The following NME9 variants were observed in gnomAD, a reference collection of about 807,000 sequenced individuals.
NME9 encodes thioredoxin domain-containing protein 6.
NME9 carries 48 observed loss-of-function variants against 44.4 expected under a neutral mutation model. The ratio of observed to expected loss-of-function variants is 1.08; its 90% CI spans 0.86 to 1.37. NME9 has a LOEUF of 1.37. Ranked by LOEUF, NME9 falls within the 40% of genes most tolerant of loss-of-function variation. The pLI, the probability that NME9 is intolerant of heterozygous loss-of-function variation, is 0.00. For synonymous variants in NME9, 139 were observed against 147.1 expected (o/e 0.94, Z 0.40); for missense variants, 325 against 405.2 (o/e 0.80, Z 1.70).
chr3:138,294,532 T>G (rs1366177552), intron 8 of NME9, among the ~76,000 whole-genome samples: 2 of 152,230 alleles, frequency 1.3e-5, no homozygotes, highest in African/African-American at 4.8e-5. Flanking sequence ...TTTAGAGTCT[T>G]ATATAATTGC....
intron 8 of NME9, among the ~76,000 whole-genome samples, chr3:138,266,963 G>A (rs547336800): frequency 1.3e-5 from 2 of 152,254 alleles, no homozygotes; most frequent in African/African-American, 4.8e-5. Context: ...CAGATTTGAG[G>A]GCGTTAGTCC....
At chr3:138,262,318 G>T (rs1352851373) in exon 9 of NME9, 1 of 535,942 alleles carries the variant, frequency 1.9e-6, no homozygotes, top group African/African-American at 1.9e-5. Context: ...GGTCTAGGGC[G>T]AGGAGTAGAT....
intron 1 of NME9, among the ~76,000 whole-genome samples, chr3:138,326,861 G>A (rs1199857369): frequency 6.6e-6 from 1 of 151,086 alleles, no homozygotes; most frequent in Non-Finnish European, 1.5e-5. Flanking sequence ...TCCTTTTTTG[G>A]CCGAACGTGG....
At position 138,318,232 on chromosome 3, in the gene NME9, A is replaced by G. The variant is rs1471543728; in HGVS notation, c.196-13T>C. The G allele has an allele frequency of 1.3e-6, 2 of 1,596,038 alleles. No homozygotes were observed. Among genetic ancestry groups the G allele is most frequent in the Admixed American group, 1.7e-5 (1 of 59,992 alleles). On this transcript the variant is annotated splice_polypyrimidine_tract_variant and intron_variant, in intron 3 of 10. Coordinates refer to ENST00000333911, the MANE Select transcript of NME9 (RefSeq NM_001349018.2). ...GATCTGCCTCTGCCTAAAGAAAGCCACTATCAGCAGGTACCCTGGATGCAG... is the reference window on the plus strand; with the variant it reads ...GATCTGCCTCTGCCTAAAGAAAGCCGCTATCAGCAGGTACCCTGGATGCAG...
chr3:138,311,144 A>T (rs1395539573), intron 6 of NME9, among the ~76,000 whole-genome samples: 1 of 152,190 alleles, frequency 6.6e-6, no homozygotes, highest in Non-Finnish European at 1.5e-5. Context: ...AAAACCTAAA[A>T]GAAATAGATA....
intron 7 of NME9, 43 bp from the exon 8 acceptor site, chr3:138,306,139 C>G (rs780356523): frequency 2.2e-6 from 3 of 1,354,410 alleles, no homozygotes; most frequent in Non-Finnish European, 3.2e-6. Flanking sequence ...AAATCAAGCC[C>G]AAATTCACAT....
intron 6 of NME9, among the ~76,000 whole-genome samples, chr3:138,311,402 G>A (rs2052694329): frequency 6.6e-6 from 1 of 152,162 alleles, no homozygotes; most frequent in Admixed American, 6.5e-5. Context: ...TGTGAGGCCA[G>A]AATTGCCCTG....
intron 8 of NME9, chr3:138,264,288 C>G (rs1468265355): frequency 8.8e-7 from 1 of 1,136,364 alleles, no homozygotes; most frequent in Admixed American, 1.8e-5. Flanking sequence ...ACACTACTCC[C>G]TGGTCTAGGA....
At chr3:138,323,102 C>G (rs933833150) in intron 2 of NME9, among the ~76,000 whole-genome samples, 1 of 152,192 alleles carries the variant, frequency 6.6e-6, no homozygotes, top group African/African-American at 2.4e-5. Flanking sequence ...CCAGGCAAGT[C>G]TACTACAGAT....
At chr3:138,316,728 C>T (rs2053111920) in intron 4 of NME9, among the ~76,000 whole-genome samples, 1 of 152,136 alleles carries the variant, frequency 6.6e-6, no homozygotes, top group African/African-American at 2.4e-5. Context: ...GATTCTCCTG[C>T]CTCAGCCTCC....
At position 138,329,623 on chromosome 3, in the gene NME9, G is replaced by C. The variant is rs2054001670; in HGVS notation, c.-288C>G. ...CCCCTCCCCACCCCGGAGCCGGCCAGGGGGCGCGCGCAGAGGCCGGAGTCA... is the reference window on the plus strand; with the variant it reads ...CCCCTCCCCACCCCGGAGCCGGCCACGGGGCGCGCGCAGAGGCCGGAGTCA... On this transcript the variant is annotated 5_prime_UTR_variant, in exon 1 of 11. Coordinates refer to ENST00000333911, the MANE Select transcript of NME9 (RefSeq NM_001349018.2). The C allele has an allele frequency of 1.5e-6, 2 of 1,292,036 alleles. No individual in the cohort carries two copies. The highest frequency in any genetic ancestry group is 4.0e-5 in the Admixed American group (1 of 25,094). 80.0% of individuals were successfully genotyped at this position (1,292,036 alleles called of 1,614,324 possible).
intron 8 of NME9, among the ~76,000 whole-genome samples, chr3:138,270,927 C>G (rs568142565): frequency 6.6e-6 from 1 of 152,204 alleles, no homozygotes; most frequent in East Asian, 1.9e-4. Context: ...AGACACTAAG[C>G]TGGGCGTTTT....
intron 8 of NME9, among the ~76,000 whole-genome samples, chr3:138,288,517 A>G (rs896678847): frequency 2.0e-4 from 31 of 151,408 alleles, no homozygotes; most frequent in African/African-American, 7.5e-4. Flanking sequence ...CAAGGCTTGT[A>G]CTCCTCAATT....
chr3:138,293,378 A>G (rs936784529), intron 8 of NME9, among the ~76,000 whole-genome samples: 1 of 152,148 alleles, frequency 6.6e-6, no homozygotes, highest in Non-Finnish European at 1.5e-5. Flanking sequence ...CGTCTCTACT[A>G]AACTCCAAAA....
chr3:138,315,850 G>C (rs567195893), intron 4 of NME9, among the ~76,000 whole-genome samples: 1 of 151,954 alleles, frequency 6.6e-6, no homozygotes, highest in African/African-American at 2.4e-5. Flanking sequence ...TTGTTTGTTC[G>C]AGACGGAGTC....
intron 8 of NME9, among the ~76,000 whole-genome samples, chr3:138,292,295 T>C (rs1577065970): frequency 6.6e-6 from 1 of 152,112 alleles, no homozygotes; most frequent in South Asian, 2.1e-4. Flanking sequence ...CCACCTCGGC[T>C]TCCCAAAGTG....
Position 138,326,757 on chromosome 3 carries a change from A to G in NME9, c.34-1827T>C, listed in dbSNP as rs142069881. ...GCCTACTATTGTTCTTAATACAGGTATGCTAAGGTCTGTGTCCCTCTAAAA... is the reference window on the plus strand; with the variant it reads ...GCCTACTATTGTTCTTAATACAGGTGTGCTAAGGTCTGTGTCCCTCTAAAA... On this transcript the variant is annotated intron_variant, in intron 1 of 10. Coordinates refer to ENST00000333911, the MANE Select transcript of NME9 (RefSeq NM_001349018.2). Among the ~76,000 whole-genome samples, 10 of 152,128 alleles carry G rather than the reference A, an allele frequency of 6.6e-5. No homozygotes were observed. The East Asian group carries it at 1.4e-3, about 21-fold the overall frequency.
chr3:138,266,217 C>T (rs1252929814), intron 8 of NME9, among the ~76,000 whole-genome samples: 1 of 152,182 alleles, frequency 6.6e-6, no homozygotes, highest in East Asian at 1.9e-4. Flanking sequence ...ACTCCTCATT[C>T]TCTGAGATCC....
rs918565149 is a variant in NME9, at chr3:138,301,045, T to C, written c.*595A>G. The stretch of plus-strand genomic sequence containing the variant: ...ATTGTTGGGGAAACACCATCTCATA[T>C]AACCCAGTATCCTCTGAGATGACAC... On this transcript the variant is annotated 3_prime_UTR_variant, in exon 11 of 11. Transcript: ENST00000333911. The C allele has an allele frequency of 1.0e-6, 1 of 973,518 alleles. No individual in the cohort carries two copies. Among genetic ancestry groups the C allele is most frequent in the Non-Finnish European group, 1.2e-6 (1 of 819,200 alleles). The allele number at this position is 973,518 out of a possible 1,614,324, so 60.3% of individuals were successfully genotyped here.
Sources: gnomAD v4.1 joint callset for allele counts (sites outside exome capture counted in the v4.1 genomes callset) on GRCh38, gnomAD v4.1.1 for gene constraint, MANE v1.5 for transcripts, NCBI Gene and HGNC (gene_info 2026-07-23, HGNC 2026-07-21) for gene names.